MORC3: variants seen among roughly 807,000 people sequenced by gnomAD.
MORC3 encodes MORC family CW-type zinc finger protein 3.
Under a neutral mutation model 109.1 loss-of-function variants are expected in MORC3, and 31 were observed. That is an observed-to-expected ratio of 0.28 (90% CI 0.21 to 0.38). MORC3 has a LOEUF of 0.38. Among genes scored for constraint, MORC3 ranks in the 10% least tolerant of loss-of-function variants. MORC3 has a pLI of 1.00. For missense variants in MORC3, 867 were observed against 1,135.8 expected (o/e 0.76, Z 3.40); for synonymous variants, 395 against 380.7 (o/e 1.04, Z -0.44).
intron 6 of MORC3, 139 bp downstream of exon 6, chr21:36,341,685 GCCCA>G: frequency 8.4e-7 from 1 of 1,186,882 alleles, no homozygotes; most frequent in Non-Finnish European, 1.2e-6. Context: ...ATTTTCCCTG[GCCCA>G]CTCAGCCTGG....
At chr21:36,347,043 A>G (rs888817207) in intron 8 of MORC3, among the ~76,000 whole-genome samples, 2 of 151,902 alleles carry the variant, frequency 1.3e-5, no homozygotes, top group African/African-American at 4.8e-5. Context: ...AATTGGGGCA[A>G]ATAACAAATA....
Position 36,320,333 on chromosome 21 carries a change from G to A in MORC3, c.39+30G>A, listed in dbSNP as rs375931896. On this transcript the variant is annotated intron_variant, in intron 1 of 16. Coordinates refer to ENST00000400485, the MANE Select transcript of MORC3 (RefSeq NM_015358.3). Reference sequence around the variant, plus strand: ...GCAGCCGCGAGGGGTGGAGCGGGCCGTGTCCCAGGAGGGCGGGCGGGCAAG... The same window carrying A: ...GCAGCCGCGAGGGGTGGAGCGGGCCATGTCCCAGGAGGGCGGGCGGGCAAG... 3.0e-4 allele frequency: 440 copies of A among 1,463,952 alleles called. No homozygotes were observed. The African/African-American group carries it at 5.7e-3, about 19-fold the overall frequency. 90.7% of individuals were successfully genotyped at this position (1,463,952 alleles called of 1,614,324 possible). A position where few individuals can be genotyped will look rare whatever the true frequency, so the allele number is the denominator to read the frequency against.
At chr21:36,356,550 T>C (rs2085647472) in intron 9 of MORC3, 70 bp from the exon 10 acceptor site, 1 of 958,142 alleles carries the variant, frequency 1.0e-6, no homozygotes, top group Admixed American at 2.3e-5. Flanking sequence ...GTCTATGTAC[T>C]CATTACTAGA....
At chr21:36,375,030 G>A in intron 16 of MORC3, 113 bp from the exon 17 acceptor site, 2 of 1,140,628 alleles carry the variant, frequency 1.8e-6, no homozygotes, top group Non-Finnish European at 2.4e-6. Flanking sequence ...TTTTCCTTTT[G>A]TTTAATTGTA....
chr21:36,359,475 G>A (rs1193018258), intron 10 of MORC3, among the ~76,000 whole-genome samples: 1 of 151,024 alleles, frequency 6.6e-6, no homozygotes, highest in Non-Finnish European at 1.5e-5. Context: ...AAAAATACCT[G>A]CTTTAGCCTC....
chr21:36,351,435 A>G (rs1487622565), intron 9 of MORC3, among the ~76,000 whole-genome samples: 1 of 152,118 alleles, frequency 6.6e-6, no homozygotes. Context: ...TATACTCATT[A>G]GCCAGCCCCT....
At chr21:36,340,337 T>C (rs2085428671) in intron 5 of MORC3, among the ~76,000 whole-genome samples, 2 of 151,878 alleles carry the variant, frequency 1.3e-5, no homozygotes, top group Non-Finnish European at 2.9e-5. Flanking sequence ...GATTTTGATG[T>C]TGATACAGTC....
chr21:36,374,363 T>C (rs2085905420), intron 16 of MORC3, among the ~76,000 whole-genome samples: 1 of 152,116 alleles, frequency 6.6e-6, no homozygotes, highest in Non-Finnish European at 1.5e-5. Flanking sequence ...AGTGCTGGGA[T>C]TACAGGCGTG....
chr21:36,339,157 T>G, intron 5 of MORC3: 21 of 290,306 alleles, frequency 7.2e-5, no homozygotes, highest in East Asian at 1.3e-4. Context: ...CTCACTCTTG[T>G]TCCCCAGGCT....
chr21:36,359,838 A>G (rs2085692981), intron 10 of MORC3, 117 bp from the exon 11 acceptor site: 7 of 1,444,808 alleles, frequency 4.8e-6, no homozygotes, highest in Non-Finnish European at 6.7e-6. Flanking sequence ...GTTACGTCAT[A>G]ATTTTTAGGA....
intron 9 of MORC3, 111 bp from the exon 10 acceptor site, chr21:36,356,509 T>G: frequency 1.9e-6 from 1 of 533,188 alleles, no homozygotes; most frequent in African/African-American, 2.0e-5. Flanking sequence ...CTTTATTAAC[T>G]ATATGTTTTG....
chr21:36,327,233 T>A (rs868854276), intron 1 of MORC3, among the ~76,000 whole-genome samples: 2 of 135,134 alleles, frequency 1.5e-5, no homozygotes, highest in Middle Eastern at 8.3e-3. Flanking sequence ...CTCAGCTCAC[T>A]GCAACCTCTT....
At chr21:36,333,540 A>G in intron 1 of MORC3, 106 bp from the exon 2 acceptor site, 1 of 843,914 alleles carries the variant, frequency 1.2e-6, no homozygotes. Context: ...CAGCTAAGTC[A>G]CTTTTGTTTG....
intron 6 of MORC3, 32 bp downstream of exon 6, chr21:36,341,578 A>G (rs766237755): frequency 6.2e-7 from 1 of 1,612,630 alleles, no homozygotes; most frequent in Non-Finnish European, 8.5e-7. Context: ...TGGAAGTGAG[A>G]AAATCATTGA....
At chr21:36,369,962 C>A in intron 15 of MORC3, 86 bp downstream of exon 15, 1 of 1,486,048 alleles carries the variant, frequency 6.7e-7, no homozygotes, top group Non-Finnish European at 9.1e-7. Context: ...CGCGGTGGCT[C>A]ATACCTGTAA....
Position 36,376,129 on chromosome 21 carries a change from A to T in MORC3, c.*833A>T. 6.6e-6 allele frequency: 1 copy of T among 152,556 alleles called. No homozygotes were observed. The highest frequency in any genetic ancestry group is 1.9e-4 in the East Asian group (1 of 5,194). The allele number at this position is 152,556 out of a possible 1,614,324, so 9.5% of individuals were successfully genotyped here. On this transcript the variant is annotated 3_prime_UTR_variant, in exon 17 of 17. Transcript: ENST00000400485. ...CAGGTTAATGTGAGTTGAGGAAGAC[A>T]GTCTTTCTCAAACAATACTACATAC...
intron 10 of MORC3, among the ~76,000 whole-genome samples, chr21:36,358,719 G>A (rs1006906128): frequency 2.6e-5 from 4 of 151,442 alleles, no homozygotes; most frequent in African/African-American, 7.3e-5. Flanking sequence ...TTGCTCTGTC[G>A]CCCAGGCTGG....
chr21:36,339,501 C>CAAAAAAAAAAAA (rs55863855), intron 5 of MORC3: 1 of 101,482 alleles, frequency 9.9e-6, no homozygotes, highest in Non-Finnish European at 2.0e-5. Context: ...CCCGTCTTCT[C>CAAAAAAAAAAAA]AAAAAAAAAA....
intron 1 of MORC3, among the ~76,000 whole-genome samples, chr21:36,326,328 A>AGCC (rs888403517): frequency 9.2e-5 from 14 of 152,294 alleles, no homozygotes; most frequent in African/African-American, 3.1e-4. Flanking sequence ...GTTTGAGACC[A>AGCC]GCCTGGCCAA....
Sources: allele counts gnomAD v4.1 joint callset (sites outside exome capture counted in the v4.1 genomes callset), GRCh38; gene constraint gnomAD v4.1.1; transcripts MANE v1.5; gene names NCBI Gene and HGNC (gene_info 2026-07-23, HGNC 2026-07-21).